Variants in NXPE2 observed in about 807,000 individuals in gnomAD.
NXPE2 encodes the protein NXPE family member 2.
In NXPE2, 34 loss-of-function variants were observed where a neutral mutation model predicts 34.4. That is an observed-to-expected ratio of 0.99 (90% CI 0.75 to 1.31). NXPE2 has a LOEUF of 1.31. Ranked by LOEUF, NXPE2 falls within the 40% of genes most tolerant of loss-of-function variation. NXPE2 has a pLI of 0.00. For missense variants in NXPE2, 649 were observed against 672.5 expected (o/e 0.97, Z 0.39); for synonymous variants, 235 against 231.3 (o/e 1.02, Z -0.15).
chr11:114,704,114 C>A, intron 4 of NXPE2, 62 bp downstream of exon 4: 1 of 1,180,200 alleles, frequency 8.5e-7, no homozygotes, highest in Non-Finnish European at 1.2e-6. Context: ...GACATGCTTA[C>A]TTAGAGATAT....
chr11:114,587,164 A>G, the NXPE2 span, among the ~76,000 whole-genome samples: 23 of 152,254 alleles, frequency 1.5e-4, no homozygotes, highest in Admixed American at 1.4e-3. Flanking sequence ...TTCTTTGAAC[A>G]AGAAAACTCT....
the NXPE2 span, among the ~76,000 whole-genome samples, chr11:114,479,505 C>T: frequency 6.6e-6 from 1 of 152,008 alleles, no homozygotes; most frequent in South Asian, 2.1e-4. Flanking sequence ...AGGATGACTC[C>T]CAGGTTTCAG....
the NXPE2 span, among the ~76,000 whole-genome samples, chr11:114,728,063 G>A: frequency 1.3e-5 from 2 of 152,034 alleles, no homozygotes; most frequent in African/African-American, 4.8e-5. Context: ...TTCCTTGGCT[G>A]TGGCCCCGTC....
At chr11:114,503,544 T>G in the NXPE2 span, among the ~76,000 whole-genome samples, 2 of 150,430 alleles carry the variant, frequency 1.3e-5, no homozygotes, top group Non-Finnish European at 3.0e-5. Context: ...AGTTGATGAC[T>G]AAAAAAAAAC....
the NXPE2 span, among the ~76,000 whole-genome samples, chr11:114,540,887 G>GC: frequency 2.3e-5 from 1 of 43,028 alleles, no homozygotes; most frequent in African/African-American, 7.1e-5. Context: ...TTTTTTTTTG[G>GC]CTTGAACAAC....
At chr11:114,522,405 A>G in the NXPE2 span, 1 of 1,614,082 alleles carries the variant, frequency 6.2e-7, no homozygotes, top group Non-Finnish European at 8.5e-7. Flanking sequence ...ACGAAGGGAT[A>G]GCTATGTTTT....
chr11:114,751,202 C>T, the NXPE2 span, among the ~76,000 whole-genome samples: 1 of 152,158 alleles, frequency 6.6e-6, no homozygotes, highest in African/African-American at 2.4e-5. Context: ...CCAGAATTAG[C>T]TATGTGGTCC....
chr11:114,497,209 T>TA, the NXPE2 span, among the ~76,000 whole-genome samples: 3 of 151,978 alleles, frequency 2.0e-5, no homozygotes, highest in African/African-American at 7.3e-5. Flanking sequence ...AGGCCTAGAG[T>TA]AATGTGTGTG....
chr11:114,583,423 C>G, the NXPE2 span: 2 of 660,524 alleles, frequency 3.0e-6, no homozygotes, highest in Non-Finnish European at 5.7e-6. Context: ...ATCACCCTCA[C>G]AAAGCCAATG....
At chr11:114,715,479 T>G in the NXPE2 span, among the ~76,000 whole-genome samples, 2 of 152,222 alleles carry the variant, frequency 1.3e-5, no homozygotes, top group African/African-American at 2.4e-5. Flanking sequence ...CTTAAGCCTT[T>G]GATTGATTTA....
At chr11:114,774,550 C>G in the NXPE2 span, among the ~76,000 whole-genome samples, 1 of 152,270 alleles carries the variant, frequency 6.6e-6, no homozygotes, top group East Asian at 1.9e-4. Context: ...CGGAGGAGGG[C>G]TCCTTACATT....
the NXPE2 span, among the ~76,000 whole-genome samples, chr11:114,606,396 C>T: frequency 6.6e-6 from 1 of 151,868 alleles, no homozygotes; most frequent in Non-Finnish European, 1.5e-5. Context: ...TGGGTAACCA[C>T]TGTTACCCGG....
the NXPE2 span, among the ~76,000 whole-genome samples, chr11:114,596,335 G>A: frequency 2.0e-5 from 3 of 152,316 alleles, 1 homozygote; most frequent in South Asian, 4.1e-4. Flanking sequence ...GAAAGAGCAG[G>A]CACCCAGACA....
At chr11:114,610,780 C>T in the NXPE2 span, among the ~76,000 whole-genome samples, 1 of 151,940 alleles carries the variant, frequency 6.6e-6, no homozygotes, top group Non-Finnish European at 1.5e-5. Flanking sequence ...ACCACTGTTA[C>T]CCAGTGGATA....
At chr11:114,665,305 C>T in the NXPE2 span, among the ~76,000 whole-genome samples, 1 of 152,144 alleles carries the variant, frequency 6.6e-6, no homozygotes, top group African/African-American at 2.4e-5. Context: ...CACAATCTCT[C>T]TAATTAGAAT....
the NXPE2 span, among the ~76,000 whole-genome samples, chr11:114,812,432 G>T: frequency 1.3e-5 from 2 of 152,158 alleles, no homozygotes; most frequent in African/African-American, 4.8e-5. Flanking sequence ...ACTGGAAAGG[G>T]GCAAGCTCAG....
chr11:114,597,716 G>A, the NXPE2 span, among the ~76,000 whole-genome samples: 930 of 152,164 alleles, frequency 6.1e-3, 2 homozygotes, highest in Non-Finnish European at 8.9e-3. Flanking sequence ...GGAGCATCTC[G>A]GGGTGCTAGG....
the NXPE2 span, among the ~76,000 whole-genome samples, chr11:114,564,295 T>C: frequency 6.6e-6 from 1 of 152,012 alleles, no homozygotes; most frequent in Non-Finnish European, 1.5e-5. Context: ...CCAGTGAACT[T>C]TGGGGACTTG....
chr11:114,735,018 G>A, the NXPE2 span, among the ~76,000 whole-genome samples: 3 of 152,186 alleles, frequency 2.0e-5, no homozygotes, highest in Admixed American at 6.5e-5. Flanking sequence ...GCCGAAGCAG[G>A]AGAATGGCGT....
Sources: gnomAD v4.1 joint callset for allele counts (sites outside exome capture counted in the v4.1 genomes callset) on GRCh38, gnomAD v4.1.1 for gene constraint, MANE v1.5 for transcripts, NCBI Gene and HGNC (gene_info 2026-07-23, HGNC 2026-07-21) for gene names.